The following B4GALT6 variants were observed in gnomAD, a reference collection of about 807,000 sequenced individuals.
B4GALT6 encodes beta-1,4-galactosyltransferase 6.
In B4GALT6, 14 loss-of-function variants were observed where a neutral mutation model predicts 46.3. The ratio of observed to expected loss-of-function variants is 0.30; its 90% CI spans 0.20 to 0.47. The LOEUF is 0.47. Among genes scored for constraint, B4GALT6 ranks in the 20% least tolerant of loss-of-function variants. The probability of loss-of-function intolerance (pLI) is 0.99; values close to 1 mark genes in which losing one functional copy is unlikely to be tolerated. For synonymous variants in B4GALT6, 168 were observed against 162.0 expected, an observed-to-expected ratio of 1.04 and a Z score of -0.28; for missense variants, 386 against 480.1, an observed-to-expected ratio of 0.80 and a Z score of 1.83.
chr18:31,626,429 T>C (rs761733193), intron 7 of B4GALT6, 45 bp from the exon 8 acceptor site: 31 of 1,125,016 alleles, frequency 2.8e-5, no homozygotes, highest in South Asian at 7.1e-5. Flanking sequence ...AAATAAAATA[T>C]GAAAATGGGT....
chr18:31,694,838 T>G, the B4GALT6 span, among the ~76,000 whole-genome samples: 1 of 152,194 alleles, frequency 6.6e-6, no homozygotes, highest in African/African-American at 2.4e-5. Flanking sequence ...AACTCAAATT[T>G]TATCCATCTA....
chr18:31,627,623 T>G (rs2073718055), intron 6 of B4GALT6, among the ~76,000 whole-genome samples: 1 of 152,246 alleles, frequency 6.6e-6, no homozygotes, highest in Non-Finnish European at 1.5e-5. Context: ...TGATCTTATC[T>G]GTTGGAATTA....
Position 31,624,509 on chromosome 18 carries a change from T to C in B4GALT6, c.*1105A>G, listed in dbSNP as rs1332087330. On this transcript the variant is annotated 3_prime_UTR_variant, in exon 9 of 9. Coordinates refer to ENST00000306851, the MANE Select transcript of B4GALT6 (RefSeq NM_004775.5). Reference sequence around the variant, plus strand: ...GTCTGAAAACTAAACTTAAAATTTGTTTTTATCTACTAAGTATTTATCTTT... The same window carrying C: ...GTCTGAAAACTAAACTTAAAATTTGCTTTTATCTACTAAGTATTTATCTTT... 2 of 151,984 alleles carry C rather than the reference T, an allele frequency of 1.3e-5. No individual in the cohort carries two copies. Among genetic ancestry groups the C allele is most frequent in the African/African-American group, 4.8e-5 (2 of 41,448 alleles). 9.4% of individuals were successfully genotyped at this position (151,984 alleles called of 1,614,324 possible).
In B4GALT6 at chr18:31,631,129, A is replaced by C; in HGVS notation, c.606T>G (p.Phe202Leu). 6.2e-7 allele frequency: 1 copy of C among 1,613,574 alleles called. No homozygotes were observed. The highest frequency in any genetic ancestry group is 8.5e-7 in the Non-Finnish European group (1 of 1,179,666). ...YVIEQTGTQP[F>L]NRAMLFNVGF... Reference sequence around the variant, plus strand: ...CCACATTGAAAAGCATCGCACGGTTAAAAGGTTGTGTGCCAGTCTTCATGG... The same window carrying C: ...CCACATTGAAAAGCATCGCACGGTTCAAAGGTTGTGTGCCAGTCTTCATGG... Residue 202 changes from phenylalanine (F) to leucine (L), a missense_variant, in exon 6 of 9, where the codon TTT (phenylalanine) becomes TTG (leucine). By Grantham distance (22) the Phe-to-Leu change is conservative. Coordinates refer to ENST00000306851, the MANE Select transcript of B4GALT6 (RefSeq NM_004775.5).
At position 31,645,991 on chromosome 18, in the gene B4GALT6, G is replaced by A. The variant is rs190594818; in HGVS notation, c.347-512C>T. Among the ~76,000 whole-genome samples, 57 of 152,318 alleles carry A rather than the reference G, an allele frequency of 3.7e-4. No homozygotes were observed. The East Asian group carries it at 9.8e-3, about 26-fold the overall frequency. On this transcript the variant is annotated intron_variant, in intron 3 of 8. Coordinates refer to ENST00000306851, the MANE Select transcript of B4GALT6 (RefSeq NM_004775.5). ...AGCCTCCTCCTCTGTAAAAAGGACA[G>A]TGATGTCTGCCTCCCAAGGTGGTTG...
intron 4 of B4GALT6, among the ~76,000 whole-genome samples, chr18:31,639,937 T>C (rs967264721): frequency 6.6e-6 from 1 of 152,190 alleles, no homozygotes; most frequent in Non-Finnish European, 1.5e-5. Context: ...ATAATTTAGA[T>C]TTTGCCCTTG....
upstream of B4GALT6, chr18:31,684,709 A>G: frequency 1.7e-6 from 2 of 1,153,478 alleles, no homozygotes; most frequent in Non-Finnish European, 2.2e-6. Flanking sequence ...GGACGGCAGG[A>G]CGGAAGAAAG....
chr18:31,677,293 C>T lies in B4GALT6; in HGVS notation c.115+7019G>A, dbSNP rs181062164. 1.2e-4 allele frequency among the ~76,000 whole-genome samples: 19 copies of T among 152,322 alleles called. No individual in the cohort carries two copies. The South Asian group carries it at 1.9e-3, about 15-fold the overall frequency. On this transcript the variant is annotated intron_variant, in intron 1 of 8. Coordinates refer to ENST00000306851, the MANE Select transcript of B4GALT6 (RefSeq NM_004775.5). ...ATAAACATCCTTTAAGCTAACTCTC[C>T]TATTTCAACTGAGAAGGGGGTATTG...
chr18:31,647,565 A>C (rs2074006432), intron 3 of B4GALT6, among the ~76,000 whole-genome samples: 3 of 152,150 alleles, frequency 2.0e-5, no homozygotes, highest in Admixed American at 1.3e-4. Flanking sequence ...TGCTCATTGA[A>C]GGCTAAAGAT....
At chr18:31,634,518 C>A (rs1419870541) in intron 5 of B4GALT6, among the ~76,000 whole-genome samples, 1 of 152,228 alleles carries the variant, frequency 6.6e-6, no homozygotes, top group Non-Finnish European at 1.5e-5. Flanking sequence ...TGCTAGGCAT[C>A]AGCACTCCAT....
intron 3 of B4GALT6, among the ~76,000 whole-genome samples, chr18:31,653,439 T>C (rs946782667): frequency 9.6e-5 from 13 of 135,846 alleles, no homozygotes; most frequent in African/African-American, 3.5e-4. Flanking sequence ...TTTTTTCTTT[T>C]TTTTTTTTTT....
chr18:31,642,595 GTTC>G (rs1247905942), intron 4 of B4GALT6, among the ~76,000 whole-genome samples: 15 of 152,220 alleles, frequency 9.9e-5, no homozygotes, highest in Non-Finnish European at 1.2e-4. Context: ...GCATTCTCAT[GTTC>G]TTCTTTAGAT....
At chr18:31,715,331 T>A in the B4GALT6 span, among the ~76,000 whole-genome samples, 1 of 152,224 alleles carries the variant, frequency 6.6e-6, no homozygotes, top group East Asian at 1.9e-4. Flanking sequence ...GCTCAAATGA[T>A]CCTCCTGCCT....
the B4GALT6 span, among the ~76,000 whole-genome samples, chr18:31,715,510 G>A: frequency 7.0e-6 from 1 of 142,808 alleles, no homozygotes. Context: ...TTACAGGCAT[G>A]AGCCACAGCG....
the B4GALT6 span, among the ~76,000 whole-genome samples, chr18:31,711,665 T>C: frequency 6.6e-6 from 1 of 152,218 alleles, no homozygotes; most frequent in African/African-American, 2.4e-5. Context: ...TCCTTTCCAA[T>C]GTCCTGAAAT....
intron 1 of B4GALT6, among the ~76,000 whole-genome samples, chr18:31,673,214 C>A (rs1306127644): frequency 2.0e-5 from 3 of 151,702 alleles, no homozygotes; most frequent in African/African-American, 7.3e-5. Flanking sequence ...GACAATCTGC[C>A]CTGAGTGGAG....
intron 5 of B4GALT6, among the ~76,000 whole-genome samples, chr18:31,635,046 T>C (rs1381599315): frequency 6.6e-6 from 1 of 151,880 alleles, no homozygotes; most frequent in Non-Finnish European, 1.5e-5. Flanking sequence ...ATCGAGACCA[T>C]CCTGGCCAAC....
chr18:31,678,657 C>T (rs934374225), intron 1 of B4GALT6, among the ~76,000 whole-genome samples: 6 of 152,220 alleles, frequency 3.9e-5, no homozygotes, highest in African/African-American at 1.4e-4. Context: ...GCTAGCCCTA[C>T]TGGCAAGGGG....
intron 3 of B4GALT6, among the ~76,000 whole-genome samples, chr18:31,648,129 C>T (rs2074015327): frequency 6.6e-6 from 1 of 152,204 alleles, no homozygotes; most frequent in Non-Finnish European, 1.5e-5. Flanking sequence ...AAGAGATCCA[C>T]TGAACTCCAT....
Sources: allele counts gnomAD v4.1 joint callset (sites outside exome capture counted in the v4.1 genomes callset), GRCh38; gene constraint gnomAD v4.1.1; transcripts MANE v1.5; gene names NCBI Gene and HGNC (gene_info 2026-07-23, HGNC 2026-07-21).